The following IFNLR1 variants were observed in gnomAD, a reference collection of about 807,000 sequenced individuals.
IFNLR1 encodes the protein CRF2-12.
Under a neutral mutation model 52.5 loss-of-function variants are expected in IFNLR1, and 28 were observed. The observed-to-expected ratio is 0.53, with a 90% CI of 0.40 to 0.73. The LOEUF (loss-of-function observed/expected upper bound fraction) is 0.73. Ranked by LOEUF, IFNLR1 falls within the 30% of genes least tolerant of loss-of-function variation. The pLI is 0.00. For missense variants in IFNLR1, 623 were observed against 659.1 expected (o/e 0.95, Z 0.60); for synonymous variants, 276 against 274.9 (o/e 1.00, Z -0.04).
chr1:24,185,033 A>AAATAATAAT (rs146145657), intron 1 of IFNLR1, among the ~76,000 whole-genome samples: 4 of 151,946 alleles, frequency 2.6e-5, no homozygotes, highest in East Asian at 3.9e-4. Context: ...TAAATAAATA[A>AAATAATAAT]AATAATAATA....
rs1644358417 is a variant in IFNLR1, at chr1:24,154,395, C to G, written c.*2735G>C. On this transcript the variant is annotated 3_prime_UTR_variant, in exon 7 of 7. Coordinates refer to ENST00000327535, the MANE Select transcript of IFNLR1 (RefSeq NM_170743.4). The stretch of plus-strand genomic sequence containing the variant: ...CAGCGCAGGCCCAGCCCACACCGCG[C>G]AGTTCCCACCTGCTGTGCACGTGAA... 1 of 152,260 alleles carries G rather than the reference C, an allele frequency of 6.6e-6. No individual in the cohort carries two copies. The highest frequency in any genetic ancestry group is 6.5e-5 in the Admixed American group (1 of 15,286). 9.4% of individuals were successfully genotyped at this position (152,260 alleles called of 1,614,324 possible). A position where few individuals can be genotyped will look rare whatever the true frequency, so the allele number is the denominator to read the frequency against.
At chr1:24,162,811 CT>C (rs1557644076) in intron 3 of IFNLR1, among the ~76,000 whole-genome samples, 10 of 85,270 alleles carry the variant, frequency 1.2e-4, no homozygotes, top group East Asian at 9.2e-4. Flanking sequence ...TTTTTTCTTT[CT>C]TTTTTTCTTC....
chr1:24,161,330 C>G (rs1644440806), intron 4 of IFNLR1: 1 of 617,132 alleles, frequency 1.6e-6, no homozygotes, highest in African/African-American at 1.8e-5. Context: ...TTCAGTTTTT[C>G]TGTACTGAAT....
rs1644368434 is a variant in IFNLR1 at position 24,155,382 on chromosome 1, C to T, written c.*1748G>A. 6.6e-6 allele frequency: 1 copy of T among 152,256 alleles called. No individual in the cohort carries two copies. 9.4% of individuals were successfully genotyped at this position (152,256 alleles called of 1,614,324 possible). Reference sequence around the variant, plus strand: ...ATGTGCACAAGTCATCAGAGCAGCACTGCTGGGCGACCTTGGACAAGTGCC... The same window carrying T: ...ATGTGCACAAGTCATCAGAGCAGCATTGCTGGGCGACCTTGGACAAGTGCC... On this transcript the variant is annotated 3_prime_UTR_variant, in exon 7 of 7. Transcript: ENST00000327535.
intron 1 of IFNLR1, among the ~76,000 whole-genome samples, chr1:24,184,873 GT>G (rs1644721972): frequency 6.6e-6 from 1 of 152,072 alleles, no homozygotes; most frequent in Non-Finnish European, 1.5e-5. Flanking sequence ...ACAAAAATTA[GT>G]TGGGCATGGT....
In IFNLR1 at chr1:24,157,870, GGTGT is replaced by G; in HGVS notation, c.819_822del (p.His274LeufsTer13). 6.3e-7 allele frequency: 1 copy of G among 1,592,902 alleles called. No homozygotes were observed. On this transcript the variant is annotated frameshift_variant, in exon 7 of 7. Coordinates refer to ENST00000327535, the MANE Select transcript of IFNLR1 (RefSeq NM_170743.4). LOFTEE classifies it high-confidence loss of function. This position sits in a 1 kb window ranked among gnomAD's most constrained non-coding sequence, Gnocchi z 5.1. The stretch of plus-strand genomic sequence containing the variant: ...CTGCTGGGCTGAAAGGTTGCCACAG[GGTGT>G]GTGTGTCCAGAAAAGTCCTGATTTG...
intron 2 of IFNLR1, among the ~76,000 whole-genome samples, chr1:24,174,367 A>G (rs1380520385): frequency 6.6e-6 from 1 of 152,246 alleles, no homozygotes; most frequent in Non-Finnish European, 1.5e-5. Flanking sequence ...TGCTGAGGTA[A>G]TCAATACCTA....
At chr1:24,170,612 G>C (rs1311070761) in intron 2 of IFNLR1, among the ~76,000 whole-genome samples, 2 of 152,306 alleles carry the variant, frequency 1.3e-5, no homozygotes, top group East Asian at 1.9e-4. Flanking sequence ...CACCCGCTTG[G>C]CCTCCCAAAG....
chr1:24,157,822 A>T lies in IFNLR1; in HGVS notation c.871T>A (p.Phe291Ile), dbSNP rs1341185545. The stretch of plus-strand genomic sequence containing the variant: ...GTCAGTTCCTTTTGGGGACAGAGGA[A>T]CAAGTCATTCACGGACTCTGGTCTG... The part of the protein sequence containing the change: ...PSRPESVNDL[F>I]LCPQKELTRG... The change falls in exon 7 of 7, where the codon TTC (phenylalanine) becomes ATC (isoleucine). Residue 291 changes from phenylalanine to isoleucine, a missense_variant. Transcript: ENST00000327535. The surrounding 1 kb of genome is among the most constrained non-coding windows in gnomAD (Gnocchi z 5.1). 3.1e-6 allele frequency: 5 copies of T among 1,613,716 alleles called. No homozygotes were observed. Among genetic ancestry groups the T allele is most frequent in the African/African-American group, 1.3e-5 (1 of 74,930 alleles).
intron 3 of IFNLR1, among the ~76,000 whole-genome samples, chr1:24,166,702 G>T (rs190772587): frequency 6.6e-6 from 1 of 150,818 alleles, no homozygotes; most frequent in South Asian, 2.1e-4. Flanking sequence ...GCCCACCACC[G>T]TACCCAGCGA....
In IFNLR1 at chr1:24,156,812, T is replaced by C. The variant is rs1644383094; in HGVS notation, c.*318A>G. 2.7e-6 allele frequency: 1 copy of C among 364,314 alleles called. No homozygotes were observed. Among genetic ancestry groups the C allele is most frequent in the Non-Finnish European group, 5.0e-6 (1 of 200,868 alleles). 22.6% of individuals were successfully genotyped at this position (364,314 alleles called of 1,614,324 possible). On this transcript the variant is annotated 3_prime_UTR_variant, in exon 7 of 7. Coordinates refer to ENST00000327535, the MANE Select transcript of IFNLR1 (RefSeq NM_170743.4). ...CAGTGACCTGACCTCACCTGTTTCA[T>C]GTTGTCCGGGGATAATTTTTCCCCC...
At position 24,159,110 on chromosome 1, in the gene IFNLR1, A is replaced by G. The variant is rs776583382; in HGVS notation, c.743T>C (p.Ile248Thr). ...LLLVIAAGGV[I>T]WKTLMGNPWF... Reference sequence around the variant, plus strand: ...GGGGTTCCCCATGAGGGTCTTCCAGATCACACCCCCTGCGGCAATTACTAA... The same window carrying G: ...GGGGTTCCCCATGAGGGTCTTCCAGGTCACACCCCCTGCGGCAATTACTAA... Residue 248 changes from isoleucine to threonine, a missense_variant, in exon 6 of 7, where the codon ATC (isoleucine) becomes ACC (threonine). Ile to Thr is a moderately conservative substitution (Grantham distance 89). Transcript: ENST00000327535. The G allele has an allele frequency of 1.7e-5, 27 of 1,613,992 alleles. No homozygotes were observed. The highest frequency in any genetic ancestry group is 2.1e-5 in the Non-Finnish European group (25 of 1,180,034).
intron 2 of IFNLR1, among the ~76,000 whole-genome samples, chr1:24,178,392 G>A (rs565324536): frequency 1.3e-5 from 2 of 152,304 alleles, no homozygotes; most frequent in African/African-American, 2.4e-5. Context: ...TAGCTAGCAT[G>A]CAGATTATAG....
intron 2 of IFNLR1, among the ~76,000 whole-genome samples, chr1:24,176,598 G>A (rs879549420): frequency 3.3e-5 from 5 of 152,192 alleles, no homozygotes; most frequent in Non-Finnish European, 7.3e-5. Flanking sequence ...AAGCAGACTA[G>A]AGTTTCAGGA....
At chr1:24,179,026 C>T (rs57653847) in intron 2 of IFNLR1, among the ~76,000 whole-genome samples, 14,745 of 151,922 alleles carry the variant, frequency 0.097, 1,984 homozygotes, top group African/African-American at 0.3. Flanking sequence ...CTGCAACCTC[C>T]ATCTCCTGGG....
intron 6 of IFNLR1, among the ~76,000 whole-genome samples, chr1:24,158,725 T>C (rs1644407799): frequency 6.6e-6 from 1 of 152,210 alleles, no homozygotes; most frequent in African/African-American, 2.4e-5. Context: ...ATGTCCCCTT[T>C]GGTGCCTCCT....
intron 2 of IFNLR1, among the ~76,000 whole-genome samples, chr1:24,170,004 CTG>C (rs1644562935): frequency 6.6e-6 from 1 of 152,234 alleles, no homozygotes; most frequent in Non-Finnish European, 1.5e-5. Context: ...GATAGGTACT[CTG>C]TGGATGTCAG....
intron 3 of IFNLR1, among the ~76,000 whole-genome samples, chr1:24,162,715 CTTTCTTTCTTT>C (rs1211964141): frequency 2.2e-4 from 8 of 36,770 alleles, no homozygotes; most frequent in Non-Finnish European, 3.9e-4. Flanking sequence ...TCTTTTCTTT[CTTTCTTTCTTT>C]TCTTTCTTTC....
intron 3 of IFNLR1, among the ~76,000 whole-genome samples, chr1:24,162,779 T>TTTTTC (rs1557643945): frequency 1.4e-4 from 2 of 14,756 alleles, no homozygotes; most frequent in Non-Finnish European, 2.6e-4. Context: ...TTTCTTTCTT[T>TTTTTC]TTCTTTCTTT....
Sources: gnomAD v4.1 joint callset for allele counts (sites outside exome capture counted in the v4.1 genomes callset) on GRCh38, gnomAD v4.1.1 for gene constraint, Gnocchi (gnomAD v3.1) non-coding constraint, MANE v1.5 for transcripts, NCBI Gene and HGNC (gene_info 2026-07-23, HGNC 2026-07-21) for gene names.